The following HEBP1 variants were observed in gnomAD, a reference collection of about 807,000 sequenced individuals.
HEBP1 encodes heme binding protein 1.
Under a neutral mutation model 20.4 loss-of-function variants are expected in HEBP1, and 13 were observed. That is an observed-to-expected ratio of 0.64 (90% CI 0.42 to 1.01). HEBP1 has a LOEUF of 1.01. Ranked by LOEUF, HEBP1 falls within the 50% of genes least tolerant of loss-of-function variation. The pLI is 0.00. For synonymous variants in HEBP1, 92 were observed against 90.7 expected, an observed-to-expected ratio of 1.01 and a Z score of -0.08; for missense variants, 241 against 247.3, an observed-to-expected ratio of 0.97 and a Z score of 0.17.
intron 2 of HEBP1, among the ~76,000 whole-genome samples, 164 bp from the exon 3 acceptor site, chr12:12,987,496 C>A (rs1864166732): frequency 6.6e-6 from 1 of 152,074 alleles, no homozygotes; most frequent in Non-Finnish European, 1.5e-5. Flanking sequence ...ACATGAACAC[C>A]TGTTATTTGT....
intron 3 of HEBP1, among the ~76,000 whole-genome samples, chr12:12,981,211 A>ACC (rs1864077699): frequency 1.3e-5 from 2 of 152,152 alleles, no homozygotes; most frequent in Non-Finnish European, 2.9e-5. Flanking sequence ...GAGGGAGGGG[A>ACC]CCATCACTAA....
chr12:12,985,741 C>T (rs1864144180), intron 3 of HEBP1: 1 of 152,064 alleles, frequency 6.6e-6, no homozygotes, highest in South Asian at 2.1e-4. Flanking sequence ...TATAAGGTTA[C>T]ATTACATGCA....
intron 3 of HEBP1, chr12:12,984,372 AC>A (rs1212547452): frequency 6.6e-6 from 1 of 152,372 alleles, no homozygotes; most frequent in African/African-American, 2.4e-5. Flanking sequence ...ACAATCAGAC[AC>A]TGTGGGCCCC....
At chr12:12,985,512 C>T (rs553136091) in intron 3 of HEBP1, 4 of 151,958 alleles carry the variant, frequency 2.6e-5, no homozygotes, top group Non-Finnish European at 5.9e-5. Context: ...AAATTATATC[C>T]ACTCATTACT....
rs777559236 is a variant in HEBP1 at position 12,975,446 on chromosome 12, G to A, written c.432C>T (p.Tyr144=). ...CACGCAGACGGGTGGCTTGTGCTAC[G>A]TAGTCTGCTTCCTTGGCATAACCAC... The part of the protein sequence containing the change: ...QFGGYAKEAD[Y]VAQATRLRAA... Residue 144 remains tyrosine, a synonymous_variant, in exon 4 of 4, where the codon TAC becomes TAT. Coordinates refer to ENST00000014930, the MANE Select transcript of HEBP1 (RefSeq NM_015987.5). 46 of 1,610,352 alleles carry A rather than the reference G, an allele frequency of 2.9e-5. No individual in the cohort carries two copies. The highest frequency in any genetic ancestry group is 3.3e-4 in the Middle Eastern group (2 of 6,072).
In HEBP1 at chr12:12,989,386, A is replaced by G. The variant is rs367955716; in HGVS notation, c.108T>C (p.Cys36=). ...CTACTGTGGCAAATTTGCCGCCTTC[A>G]CAGGCCCTTTCTTCATAGGCAACTT... is the stretch of plus-strand genomic sequence containing the variant. ...KEEVAYEERA[C]EGGKFATVEV... is the part of the protein sequence containing the mutation. The change falls in exon 2 of 4, where the codon TGT becomes TGC. Residue 36 remains cysteine (C), a synonymous_variant. Transcript: ENST00000014930. 62 of 1,614,096 alleles carry G rather than the reference A, an allele frequency of 3.8e-5. No homozygotes were observed. Among genetic ancestry groups the G allele is most frequent in the Non-Finnish European group, 4.7e-5 (56 of 1,180,030 alleles).
At chr12:12,987,093 C>G in intron 3 of HEBP1, 59 bp downstream of exon 3, 2 of 1,402,210 alleles carry the variant, frequency 1.4e-6, no homozygotes, top group Non-Finnish European at 2.0e-6. Context: ...AGAGGTGATG[C>G]AAGGAGTGGT....
chr12:12,987,941 T>C lies in HEBP1; in HGVS notation c.218-609A>G, dbSNP rs567048837. Among the ~76,000 whole-genome samples the C allele has an allele frequency of 3.3e-5, 5 of 152,288 alleles. No homozygotes were observed. In the South Asian group the frequency reaches 1.0e-3, roughly 32 times the overall value. On this transcript the variant is annotated intron_variant, in intron 2 of 3. Coordinates refer to ENST00000014930, the MANE Select transcript of HEBP1 (RefSeq NM_015987.5). ...GTGAGCCACCATGCCTAGCCAGTAT[T>C]TAATTACTGCCTATTTAAAACATCA...
At chr12:12,987,494 A>G (rs1205700350) in intron 2 of HEBP1, among the ~76,000 whole-genome samples, 162 bp from the exon 3 acceptor site, 2 of 152,186 alleles carry the variant, frequency 1.3e-5, no homozygotes, top group Non-Finnish European at 2.9e-5. Context: ...ATACATGAAC[A>G]CCTGTTATTT....
intron 2 of HEBP1, 68 bp downstream of exon 2, chr12:12,989,209 C>A: frequency 6.4e-7 from 1 of 1,551,722 alleles, no homozygotes; most frequent in Non-Finnish European, 8.9e-7. Context: ...TTGCATTTAC[C>A]ACTGATGAAG....
At position 12,975,186 on chromosome 12, in the gene HEBP1, T is replaced by C; in HGVS notation, c.*122A>G. Reference sequence around the variant, plus strand: ...TTCAGAAAATTGGCAGTAACTGACTTTGAAGGAAAGTTGGTTAAGTTGGAC... The same window carrying C: ...TTCAGAAAATTGGCAGTAACTGACTCTGAAGGAAAGTTGGTTAAGTTGGAC... On this transcript the variant is annotated 3_prime_UTR_variant, in exon 4 of 4. Coordinates refer to ENST00000014930, the MANE Select transcript of HEBP1 (RefSeq NM_015987.5). 4 of 893,766 alleles carry C rather than the reference T, an allele frequency of 4.5e-6. No individual in the cohort carries two copies. The highest frequency in any genetic ancestry group is 7.0e-6 in the Non-Finnish European group (4 of 574,052). The allele number at this position is 893,766 out of a possible 1,614,324, so 55.4% of individuals were successfully genotyped here. A position where few individuals can be genotyped will look rare whatever the true frequency, so the allele number is the denominator to read the frequency against.
chr12:12,979,302 A>G (rs911089920), intron 3 of HEBP1: 2 of 152,294 alleles, frequency 1.3e-5, no homozygotes, highest in African/African-American at 4.8e-5. Context: ...TAATGCAGAT[A>G]AAATTTTCCC....
chr12:12,991,905 C>T (rs1417049662), intron 1 of HEBP1, among the ~76,000 whole-genome samples: 6 of 152,172 alleles, frequency 3.9e-5, no homozygotes, highest in African/African-American at 9.7e-5. Context: ...ATAGTTTTAA[C>T]AATCTGCAAT....
At chr12:12,984,508 A>G (rs950759818) in intron 3 of HEBP1, 5 of 152,248 alleles carry the variant, frequency 3.3e-5, no homozygotes, top group African/African-American at 9.6e-5. Flanking sequence ...GGATGTGGTA[A>G]AATGTCACGG....
intron 2 of HEBP1, among the ~76,000 whole-genome samples, chr12:12,988,714 C>A (rs952193485): frequency 8.5e-5 from 13 of 152,164 alleles, no homozygotes; most frequent in Non-Finnish European, 1.3e-4. Context: ...CATGAGACTT[C>A]AGGCTTATCA....
Position 12,975,449 on chromosome 12 carries a change from G to A in HEBP1, c.429C>T (p.Asp143=), listed in dbSNP as rs751482855. 4.3e-6 allele frequency: 7 copies of A among 1,610,064 alleles called. No individual in the cohort carries two copies. The highest frequency in any genetic ancestry group is 5.9e-6 in the Non-Finnish European group (7 of 1,178,408). ...MQFGGYAKEA[D]YVAQATRLRA... ...GCAGACGGGTGGCTTGTGCTACGTA[G>A]TCTGCTTCCTTGGCATAACCACCAA... is the stretch of plus-strand genomic sequence containing the variant. The change falls in exon 4 of 4, where the codon GAC becomes GAT. Residue 143 remains aspartate (D), a synonymous_variant. Transcript: ENST00000014930.
Position 12,987,174 on chromosome 12 carries a change from C to T in HEBP1, c.376G>A (p.Glu126Lys). Reference sequence around the variant, plus strand: ...TACATGGAATAGACAGTGATGCCTTCCCGTTCCTCAATCTTAACGCTTTTG... The same window carrying T: ...TACATGGAATAGACAGTGATGCCTTTCCGTTCCTCAATCTTAACGCTTTTG... Reference protein sequence around the residue: ...SDKSVKIEEREGITVYSMQFG... With the variant: ...SDKSVKIEERKGITVYSMQFG... Residue 126 changes from glutamate (E) to lysine (K), a missense_variant, in exon 3 of 4, where the codon GAA (glutamate) becomes AAA (lysine). By Grantham distance (56) the Glu-to-Lys change is moderately conservative. Transcript: ENST00000014930. 5 of 1,614,050 alleles carry T rather than the reference C, an allele frequency of 3.1e-6. No individual in the cohort carries two copies. The highest frequency in any genetic ancestry group is 4.2e-6 in the Non-Finnish European group (5 of 1,179,928).
In HEBP1 at chr12:12,986,806, C is replaced by A; in HGVS notation, c.398+346G>T. 5.3e-6 allele frequency: 1 copy of A among 190,336 alleles called. No homozygotes were observed. The highest frequency in any genetic ancestry group is 1.1e-5 in the Non-Finnish European group (1 of 92,450). The allele number at this position is 190,336 out of a possible 1,614,324, so 11.8% of individuals were successfully genotyped here. A position where few individuals can be genotyped will look rare whatever the true frequency, so the allele number is the denominator to read the frequency against. On this transcript the variant is annotated intron_variant, in intron 3 of 3. Transcript: ENST00000014930. This position sits in a 1 kb window ranked among gnomAD's most constrained non-coding sequence, Gnocchi z 4.3. ...ATCAGGTATTCCTCAGCCCTTTATG[C>A]TTCCCATGTGTCCACGAATCCAGAC...
chr12:12,990,346 A>AT (rs1864206755), intron 1 of HEBP1, among the ~76,000 whole-genome samples: 1 of 112,308 alleles, frequency 8.9e-6, no homozygotes, highest in African/African-American at 2.7e-5. Flanking sequence ...TTAAAAAAAA[A>AT]AATTTTTTTT....
Sources: gnomAD v4.1 joint callset for allele counts (sites outside exome capture counted in the v4.1 genomes callset) on GRCh38, gnomAD v4.1.1 for gene constraint, Gnocchi (gnomAD v3.1) non-coding constraint, MANE v1.5 for transcripts, NCBI Gene and HGNC (gene_info 2026-07-23, HGNC 2026-07-21) for gene names.